Variants in MTREX observed in about 807,000 individuals in gnomAD.
The protein encoded by MTREX is exosome RNA helicase MTR4.
Under a neutral mutation model 135.4 loss-of-function variants are expected in MTREX, and 76 were observed. The observed-to-expected ratio is 0.56, with a 90% CI of 0.47 to 0.68. The LOEUF (loss-of-function observed/expected upper bound fraction) is 0.68. Ranked by LOEUF, MTREX falls within the 30% of genes least tolerant of loss-of-function variation. The pLI is 0.00. For missense variants in MTREX, 920 were observed against 1,262.1 expected (o/e 0.73, Z 4.11); for synonymous variants, 404 against 401.6 (o/e 1.01, Z -0.07).
intron 18 of MTREX, among the ~76,000 whole-genome samples, chr5:55,385,786 T>A (rs796383112): frequency 6.6e-6 from 1 of 152,142 alleles, no homozygotes; most frequent in South Asian, 2.1e-4. Flanking sequence ...ATAGCTAACA[T>A]AGTTACAAGT....
Position 55,364,838 on chromosome 5 carries a change from T to C in MTREX, c.1660-1887T>C, listed in dbSNP as rs375490586. On this transcript the variant is annotated intron_variant, in intron 15 of 26. Coordinates refer to ENST00000230640, the MANE Select transcript of MTREX (RefSeq NM_015360.5). The stretch of plus-strand genomic sequence containing the variant: ...ACTCCTAAGCTGGAATTTAAATGAG[T>C]AACTCATTAACCATCAATATATGTG... Among the ~76,000 whole-genome samples the C allele has an allele frequency of 1.3e-3, 203 of 152,266 alleles. 2 individuals are homozygous for C. In the Middle Eastern group the frequency reaches 0.024, roughly 18 times the overall value.
chr5:55,384,339 A>G (rs1241857223), intron 18 of MTREX, among the ~76,000 whole-genome samples: 1 of 152,168 alleles, frequency 6.6e-6, no homozygotes, highest in Non-Finnish European at 1.5e-5. Flanking sequence ...TTGAAACTCT[A>G]AAATTTGCTT....
chr5:55,358,185 G>T (rs1197704412), intron 14 of MTREX, among the ~76,000 whole-genome samples: 1 of 152,158 alleles, frequency 6.6e-6, no homozygotes, highest in Non-Finnish European at 1.5e-5. Context: ...TTTACTGCCA[G>T]TGAATTAGCC....
chr5:55,386,755 G>A lies in MTREX; in HGVS notation c.2053-1219G>A, dbSNP rs184397135. Among the ~76,000 whole-genome samples the A allele has an allele frequency of 3.7e-3, 569 of 152,178 alleles. 1 individual carries two copies. The highest frequency in any genetic ancestry group is 5.9e-3 in the Non-Finnish European group (401 of 67,920). On this transcript the variant is annotated intron_variant, in intron 18 of 26. Coordinates refer to ENST00000230640, the MANE Select transcript of MTREX (RefSeq NM_015360.5). ...TAGAAACATTAAAGATTGCTCATACGCCTGTGGGGTTTTTTTGTCCAGATA... is the reference window on the plus strand; with the variant it reads ...TAGAAACATTAAAGATTGCTCATACACCTGTGGGGTTTTTTTGTCCAGATA...
At position 55,419,857 on chromosome 5, in the gene MTREX, A is replaced by ATT. The variant is rs201801602; in HGVS notation, c.2972-3021_2972-3020insTT. Among the ~76,000 whole-genome samples, 9 of 35,588 alleles carry ATT rather than the reference A, an allele frequency of 2.5e-4. No individual in the cohort carries two copies. In the Admixed American group the frequency reaches 3.8e-3, roughly 15 times the overall value. 23.3% of individuals were successfully genotyped at this position (35,588 alleles called of 152,430 possible). A position where few individuals can be genotyped will look rare whatever the true frequency, so the allele number is the denominator to read the frequency against. ...CAAATACTGTGAATTGCATTCCTCA[A>ATT]CTCTCCCCACCACACACATTCTCTC... On this transcript the variant is annotated intron_variant, in intron 25 of 26. Transcript: ENST00000230640.
At position 55,322,011 on chromosome 5, in the gene MTREX, G is replaced by A. The variant is rs571966905; in HGVS notation, c.135-316G>A. ...CCTTTAGAGAAAGCATTAAATGTTT[G>A]TTAAAGGTAACTCATGTTAATGTCT... On this transcript the variant is annotated intron_variant, in intron 1 of 26. Coordinates refer to ENST00000230640, the MANE Select transcript of MTREX (RefSeq NM_015360.5). Among the ~76,000 whole-genome samples the A allele has an allele frequency of 5.3e-5, 8 of 152,200 alleles. No individual in the cohort carries two copies. In the South Asian group the frequency reaches 1.5e-3, roughly 28 times the overall value.
At chr5:55,390,946 A>G (rs962380639) in intron 19 of MTREX, among the ~76,000 whole-genome samples, 2 of 151,778 alleles carry the variant, frequency 1.3e-5, no homozygotes, top group Middle Eastern at 3.2e-3. Context: ...GCTGATTTAA[A>G]CCCTTTGTCT....
intron 16 of MTREX, among the ~76,000 whole-genome samples, chr5:55,374,209 A>G (rs1346706172): frequency 6.6e-6 from 1 of 151,650 alleles, no homozygotes; most frequent in Non-Finnish European, 1.5e-5. Context: ...GTGAGCCAAG[A>G]TTGTGCCACT....
intron 18 of MTREX, among the ~76,000 whole-genome samples, chr5:55,385,046 C>G (rs1579885148): frequency 1.3e-5 from 2 of 152,188 alleles, no homozygotes; most frequent in Non-Finnish European, 2.9e-5. Context: ...TCCTCAGGCT[C>G]TGTTACAAAT....
chr5:55,400,831 C>T (rs1172516073), intron 21 of MTREX, among the ~76,000 whole-genome samples: 1 of 152,174 alleles, frequency 6.6e-6, no homozygotes. Flanking sequence ...TTTCTCCCAT[C>T]CTCCAGCCCT....
At chr5:55,402,872 G>GTGTA (rs70992784) in intron 21 of MTREX, among the ~76,000 whole-genome samples, 4,373 of 138,594 alleles carry the variant, frequency 0.032, 90 homozygotes, top group Non-Finnish European at 0.038. Context: ...GTGTGTGTGT[G>GTGTA]TATATATATA....
intron 11 of MTREX, among the ~76,000 whole-genome samples, chr5:55,348,855 A>G (rs1046833191): frequency 6.6e-6 from 1 of 152,240 alleles, no homozygotes; most frequent in African/African-American, 2.4e-5. Flanking sequence ...AAGGCAGTGC[A>G]ATGGTTAAGA....
chr5:55,379,573 G>GACACACACACAC (rs60169736), intron 18 of MTREX, among the ~76,000 whole-genome samples: 9 of 143,902 alleles, frequency 6.3e-5, no homozygotes, highest in African/African-American at 1.8e-4. Context: ...AAATCTCCCT[G>GACACACACACAC]ACACACACAC....
At chr5:55,399,197 T>C (rs1750687059) in intron 20 of MTREX, among the ~76,000 whole-genome samples, 1 of 152,210 alleles carries the variant, frequency 6.6e-6, no homozygotes, top group African/African-American at 2.4e-5. Context: ...TTACCAGAGA[T>C]ATCAGTCTTT....
rs1442569070 is a variant in MTREX at position 55,345,000 on chromosome 5, A to C, written c.1006-94A>C. 4 of 736,964 alleles carry C rather than the reference A, an allele frequency of 5.4e-6. No individual in the cohort carries two copies. The East Asian group carries it at 1.1e-4, about 20-fold the overall frequency. 45.7% of individuals were successfully genotyped at this position (736,964 alleles called of 1,614,324 possible). ...TTTAGTGGCTTTCATTATTATACTAAATTATTTTTATTTGGGGAAGCCTTA... is the reference window on the plus strand; with the variant it reads ...TTTAGTGGCTTTCATTATTATACTACATTATTTTTATTTGGGGAAGCCTTA... On this transcript the variant is annotated intron_variant, in intron 9 of 26. Transcript: ENST00000230640.
intron 1 of MTREX, among the ~76,000 whole-genome samples, chr5:55,315,812 A>G (rs1749189074): frequency 6.6e-6 from 1 of 150,758 alleles, no homozygotes; most frequent in South Asian, 2.1e-4. Context: ...AGTCCCAGCT[A>G]GTAGGGAGGC....
intron 18 of MTREX, among the ~76,000 whole-genome samples, chr5:55,383,155 A>T (rs568278813): frequency 6.6e-6 from 1 of 152,348 alleles, no homozygotes; most frequent in Admixed American, 6.5e-5. Flanking sequence ...TTACAGGCTC[A>T]ATAATATAAT....
chr5:55,424,905 T>A lies in MTREX; in HGVS notation c.*133T>A, dbSNP rs1166734994. ...GTATTATATTTAAATCAAACATCAT[T>A]CATAGAAAGCATATTACATACATGT... On this transcript the variant is annotated 3_prime_UTR_variant, in exon 27 of 27. Coordinates refer to ENST00000230640, the MANE Select transcript of MTREX (RefSeq NM_015360.5). The A allele has an allele frequency of 1.5e-6, 1 of 676,706 alleles. No homozygotes were observed. The highest frequency in any genetic ancestry group is 2.5e-6 in the Non-Finnish European group (1 of 398,756). The allele number at this position is 676,706 out of a possible 1,614,324, so 41.9% of individuals were successfully genotyped here. A position where few individuals can be genotyped will look rare whatever the true frequency, so the allele number is the denominator to read the frequency against.
chr5:55,390,621 T>C (rs1311950871), intron 19 of MTREX, among the ~76,000 whole-genome samples: 1 of 152,160 alleles, frequency 6.6e-6, no homozygotes, highest in Non-Finnish European at 1.5e-5. Context: ...GTCTGACCAT[T>C]TCCCCTTATC....
Sources: gnomAD v4.1 joint callset for allele counts (sites outside exome capture counted in the v4.1 genomes callset) on GRCh38, gnomAD v4.1.1 for gene constraint, MANE v1.5 for transcripts, NCBI Gene and HGNC (gene_info 2026-07-23, HGNC 2026-07-21) for gene names.